Variants in MBD5 observed in about 807,000 individuals in gnomAD.
MBD5 encodes methyl-CpG binding domain protein 5, also known as methyl-CpG-binding domain protein 5.
In MBD5, 13 loss-of-function variants were observed where a neutral mutation model predicts 117.3. That is an observed-to-expected ratio of 0.11 (90% CI 0.07 to 0.18). The LOEUF (loss-of-function observed/expected upper bound fraction) is 0.18. Ranked by LOEUF, MBD5 falls within the 10% of genes least tolerant of loss-of-function variation. The pLI is 1.00. For missense variants in MBD5, 1,879 were observed against 2,093.8 expected, an observed-to-expected ratio of 0.90 and a Z score of 2.00; for synonymous variants, 727 against 766.4, an observed-to-expected ratio of 0.95 and a Z score of 0.85.
At chr2:148,397,398 C>T (rs1210063167) in intron 4 of MBD5, among the ~76,000 whole-genome samples, 6 of 145,758 alleles carry the variant, frequency 4.1e-5, no homozygotes, top group Non-Finnish European at 7.4e-5. Context: ...GGCACGATCT[C>T]GGCTCACTGC....
intron 1 of MBD5, among the ~76,000 whole-genome samples, chr2:148,101,190 C>T (rs988663023): frequency 2.6e-5 from 4 of 152,124 alleles, no homozygotes; most frequent in Non-Finnish European, 2.9e-5. Flanking sequence ...AGGTCAGGCA[C>T]AGTGACTTCT....
chr2:148,369,391 T>A (rs969433579), intron 4 of MBD5, among the ~76,000 whole-genome samples: 4 of 152,170 alleles, frequency 2.6e-5, no homozygotes, highest in Non-Finnish European at 4.4e-5. Flanking sequence ...ATTACTTTTT[T>A]AATTTGATAA....
intron 2 of MBD5, among the ~76,000 whole-genome samples, chr2:148,181,196 A>G (rs920631983): frequency 6.6e-6 from 1 of 152,132 alleles, no homozygotes; most frequent in African/African-American, 2.4e-5. Context: ...AACTTTATTT[A>G]TGTTGCCATG....
intron 4 of MBD5, among the ~76,000 whole-genome samples, chr2:148,358,502 G>A (rs1015203945): frequency 2.0e-5 from 3 of 152,020 alleles, no homozygotes; most frequent in East Asian, 1.9e-4. Context: ...GCTGGGTGCA[G>A]TGGCTCACGC....
chr2:148,103,667 G>A (rs1387884512), intron 1 of MBD5, among the ~76,000 whole-genome samples: 1 of 151,914 alleles, frequency 6.6e-6, no homozygotes, highest in African/African-American at 2.4e-5. Context: ...AGATCCCCTG[G>A]ATTTTTTCAT....
At chr2:148,145,961 C>T (rs987345322) in intron 1 of MBD5, among the ~76,000 whole-genome samples, 24 of 152,270 alleles carry the variant, frequency 1.6e-4, no homozygotes, top group Admixed American at 1.4e-3. Flanking sequence ...ATGTTGGCCT[C>T]ATAAAATGAG....
chr2:148,294,501 G>GTTTT (rs58961481), intron 3 of MBD5, among the ~76,000 whole-genome samples: 31 of 113,254 alleles, frequency 2.7e-4, no homozygotes, highest in African/African-American at 1.1e-3. Flanking sequence ...TGGGATTACA[G>GTTTT]TTTTTTTTTT....
chr2:148,269,897 T>C (rs980751820), intron 3 of MBD5, among the ~76,000 whole-genome samples: 1 of 152,020 alleles, frequency 6.6e-6, no homozygotes, highest in Non-Finnish European at 1.5e-5. Flanking sequence ...CCAGTGCTAA[T>C]ATTCTACTTA....
chr2:148,462,711 C>A, intron 6 of MBD5, 27 bp downstream of exon 6: 1 of 1,404,464 alleles, frequency 7.1e-7, no homozygotes, highest in Non-Finnish European at 1.0e-6. Context: ...AGATCTACAG[C>A]AGTGTTTTAT....
At chr2:148,316,262 T>C (rs1351291781) in intron 3 of MBD5, among the ~76,000 whole-genome samples, 1 of 152,184 alleles carries the variant, frequency 6.6e-6, no homozygotes, top group Non-Finnish European at 1.5e-5. Flanking sequence ...TTTTCCTGAC[T>C]ACCCCAATCA....
At chr2:148,198,194 A>T (rs543286201) in intron 2 of MBD5, among the ~76,000 whole-genome samples, 1 of 152,188 alleles carries the variant, frequency 6.6e-6, no homozygotes, top group African/African-American at 2.4e-5. Context: ...AAAACATAAA[A>T]TGGAAATATA....
At chr2:148,384,217 G>A (rs1321820467) in intron 4 of MBD5, among the ~76,000 whole-genome samples, 2 of 152,098 alleles carry the variant, frequency 1.3e-5, no homozygotes, top group East Asian at 1.9e-4. Flanking sequence ...AAACCCCATC[G>A]TCTCAGCCCA....
At chr2:148,446,211 C>T (rs575002773) in intron 4 of MBD5, among the ~76,000 whole-genome samples, 8 of 152,008 alleles carry the variant, frequency 5.3e-5, no homozygotes, top group Admixed American at 3.9e-4. Flanking sequence ...CTTGCCCACG[C>T]CTATGTCCTG....
At chr2:148,067,238 G>C (rs1163282600) in intron 1 of MBD5, among the ~76,000 whole-genome samples, 2 of 152,134 alleles carry the variant, frequency 1.3e-5, no homozygotes, top group Admixed American at 6.5e-5. Context: ...CGCTATATTA[G>C]ACATTGAAAT....
chr2:148,460,348 A>G (rs1422515294), intron 5 of MBD5: 1 of 152,192 alleles, frequency 6.6e-6, no homozygotes, highest in Non-Finnish European at 1.5e-5. Context: ...ACTTTATACC[A>G]TCTGATATCC....
chr2:148,130,320 A>G (rs906346501), intron 1 of MBD5, among the ~76,000 whole-genome samples: 1 of 152,172 alleles, frequency 6.6e-6, no homozygotes, highest in Non-Finnish European at 1.5e-5. Flanking sequence ...GATGCAGTAT[A>G]GCAATGACCC....
rs1179887420 is a variant in MBD5, at chr2:148,102,721, CACACACACAGAGAG to C, written c.-924-75977_-924-75964del. The stretch of plus-strand genomic sequence containing the variant: ...GAGATCACACACACACACACACACA[CACACACACAGAGAG>C]AGAGAGAGAGAGAGAGAGAGAGAGA... On this transcript the variant is annotated intron_variant, in intron 1 of 13. Coordinates refer to ENST00000642680, the MANE Select transcript of MBD5 (RefSeq NM_001378120.1). Among the ~76,000 whole-genome samples, 26 of 90,942 alleles carry C rather than the reference CACACACACAGAGAG, an allele frequency of 2.9e-4. 1 individual carries two copies. The highest frequency in any genetic ancestry group is 5.8e-3 in the Middle Eastern group (1 of 172). 59.7% of individuals were successfully genotyped at this position (90,942 alleles called of 152,430 possible).
intron 3 of MBD5, among the ~76,000 whole-genome samples, chr2:148,246,994 C>T (rs1346239405): frequency 6.6e-6 from 1 of 151,980 alleles, no homozygotes; most frequent in Non-Finnish European, 1.5e-5. Flanking sequence ...AAATGTTTAC[C>T]TTATTGATGT....
At chr2:148,395,659 A>G (rs1704691015) in intron 4 of MBD5, among the ~76,000 whole-genome samples, 1 of 152,088 alleles carries the variant, frequency 6.6e-6, no homozygotes, top group Non-Finnish European at 1.5e-5. Context: ...TCCTGACCTC[A>G]GGTGATCCAC....
Sources: allele counts gnomAD v4.1 joint callset (sites outside exome capture counted in the v4.1 genomes callset), GRCh38; gene constraint gnomAD v4.1.1; transcripts MANE v1.5; gene names NCBI Gene and HGNC (gene_info 2026-07-23, HGNC 2026-07-21).